The following LRFN2 variants were observed in gnomAD, a reference collection of about 807,000 sequenced individuals.
The protein encoded by LRFN2 is leucine-rich repeat and fibronectin type-III domain-containing protein 2.
Under a neutral mutation model 37.3 loss-of-function variants are expected in LRFN2, and 18 were observed. The ratio of observed to expected loss-of-function variants is 0.48; its 90% CI spans 0.33 to 0.72. The LOEUF (loss-of-function observed/expected upper bound fraction) is 0.72. Ranked by LOEUF, LRFN2 falls within the 30% of genes least tolerant of loss-of-function variation. LRFN2 has a pLI of 0.02. For synonymous variants in LRFN2, 556 were observed against 466.6 expected (o/e 1.19, Z -2.47); for missense variants, 1,006 against 1,060.7 (o/e 0.95, Z 0.72).
In LRFN2 at chr6:40,416,370, C is replaced by T. The variant is rs1230286584; in HGVS notation, c.1400+15344G>A. On this transcript the variant is annotated intron_variant, in intron 2 of 2. Transcript: ENST00000338305. ...GTGGTGGGGGCTTTCTTGTTTCTGGCAATTTATTCCTGCATGAGGTCAGCC... is the reference window on the plus strand; with the variant it reads ...GTGGTGGGGGCTTTCTTGTTTCTGGTAATTTATTCCTGCATGAGGTCAGCC... Among the ~76,000 whole-genome samples, 7 of 113,002 alleles carry T rather than the reference C, an allele frequency of 6.2e-5. No homozygotes were observed. The East Asian group carries it at 2.1e-3, about 35-fold the overall frequency. 74.1% of individuals were successfully genotyped at this position (113,002 alleles called of 152,430 possible). A position where few individuals can be genotyped will look rare whatever the true frequency, so the allele number is the denominator to read the frequency against.
At chr6:40,439,009 G>A (rs887822800) in intron 1 of LRFN2, among the ~76,000 whole-genome samples, 1 of 152,164 alleles carries the variant, frequency 6.6e-6, no homozygotes, top group Non-Finnish European at 1.5e-5. Context: ...GAAAGTTCTT[G>A]TTCCTTGGCT....
At chr6:40,421,671 G>A (rs1420421428) in intron 2 of LRFN2, among the ~76,000 whole-genome samples, 6 of 152,182 alleles carry the variant, frequency 3.9e-5, no homozygotes, top group Admixed American at 1.3e-4. Context: ...TTCCAAAAGA[G>A]AGGAGGGTAT....
intron 1 of LRFN2, among the ~76,000 whole-genome samples, chr6:40,537,945 A>G (rs1766481823): frequency 6.6e-6 from 1 of 152,066 alleles, no homozygotes; most frequent in African/African-American, 2.4e-5. Flanking sequence ...AATGAGGAGC[A>G]TGGCCCATGC....
chr6:40,423,890 A>G (rs1763286362), intron 2 of LRFN2, among the ~76,000 whole-genome samples: 1 of 152,230 alleles, frequency 6.6e-6, no homozygotes. Context: ...ATGGTAGGAC[A>G]GAAAGACAGA....
At chr6:40,539,097 C>T (rs1159398337) in intron 1 of LRFN2, among the ~76,000 whole-genome samples, 1 of 152,068 alleles carries the variant, frequency 6.6e-6, no homozygotes, top group Non-Finnish European at 1.5e-5. Flanking sequence ...AGCCCCAAAA[C>T]CATCCCCATC....
At chr6:40,501,892 G>A (rs532245350) in intron 1 of LRFN2, 6 of 152,192 alleles carry the variant, frequency 3.9e-5, no homozygotes, top group South Asian at 2.1e-4. Flanking sequence ...ACGCATCCTC[G>A]GTAGCCTGAA....
chr6:40,542,560 C>T (rs752324553), intron 1 of LRFN2, among the ~76,000 whole-genome samples: 6 of 152,032 alleles, frequency 3.9e-5, no homozygotes, highest in Non-Finnish European at 5.9e-5. Flanking sequence ...TCCAGGAGAG[C>T]AACCACCATC....
At chr6:40,407,353 C>A (rs192618124) in intron 2 of LRFN2, among the ~76,000 whole-genome samples, 1 of 151,992 alleles carries the variant, frequency 6.6e-6, no homozygotes, top group East Asian at 1.9e-4. Flanking sequence ...TCTTTGAAGG[C>A]TAGTTCTGCC....
chr6:40,571,880 C>T (rs979695842), intron 1 of LRFN2, among the ~76,000 whole-genome samples: 5 of 152,214 alleles, frequency 3.3e-5, no homozygotes, highest in African/African-American at 1.2e-4. Context: ...CTCCATGGCA[C>T]TTCTCAATCG....
chr6:40,410,315 T>C (rs904575965), intron 2 of LRFN2, among the ~76,000 whole-genome samples: 4 of 151,742 alleles, frequency 2.6e-5, no homozygotes, highest in African/African-American at 9.7e-5. Flanking sequence ...AGAACATCAC[T>C]GGAAGAGGGG....
intron 1 of LRFN2, among the ~76,000 whole-genome samples, chr6:40,487,985 C>T (rs1001872794): frequency 6.6e-6 from 1 of 152,180 alleles, no homozygotes; most frequent in African/African-American, 2.4e-5. Flanking sequence ...CTCAGCATAG[C>T]AGTCCCCAGG....
At chr6:40,426,351 C>T (rs1214557813) in intron 2 of LRFN2, among the ~76,000 whole-genome samples, 1 of 152,210 alleles carries the variant, frequency 6.6e-6, no homozygotes, top group Non-Finnish European at 1.5e-5. Flanking sequence ...GGGCAGCTCA[C>T]TACTTTGTGG....
intron 1 of LRFN2, among the ~76,000 whole-genome samples, chr6:40,436,743 C>T (rs996052454): frequency 1.3e-5 from 2 of 152,194 alleles, no homozygotes; most frequent in African/African-American, 2.4e-5. Flanking sequence ...GGTGTTCTGG[C>T]CTTCTTGGTC....
intron 2 of LRFN2, among the ~76,000 whole-genome samples, chr6:40,418,021 T>TCCCCAG (rs1057272788): frequency 6.6e-6 from 1 of 152,086 alleles, no homozygotes; most frequent in Admixed American, 6.5e-5. Context: ...CTTTCAAATC[T>TCCCCAG]CCCCAGCCCC....
Position 40,431,743 on chromosome 6 carries a change from GT to G in LRFN2, c.1370del (p.Asn457ThrfsTer8). The G allele has an allele frequency of 6.6e-7, 1 of 1,520,792 alleles. No individual in the cohort carries two copies. The highest frequency in any genetic ancestry group is 8.8e-7 in the Non-Finnish European group (1 of 1,134,776). The allele number at this position is 1,520,792 out of a possible 1,614,324, so 94.2% of individuals were successfully genotyped here. The stretch of plus-strand genomic sequence containing the variant: ...AAATCAGTACCTCATCGTCAGAGCA[GT>G]TGTACTGCAGCTGGTACATCTTCAC... ...PRVKMYQLQYNCSDDEVLIYR... is the reference protein window; with the variant it reads ...PRVKMYQLQYXCSDDEVLIYR... On this transcript the variant is annotated frameshift_variant, in exon 2 of 3. Coordinates refer to ENST00000338305, the MANE Select transcript of LRFN2 (RefSeq NM_020737.3). LOFTEE classifies it high-confidence loss of function.
At chr6:40,552,327 A>G (rs1766792215) in intron 1 of LRFN2, among the ~76,000 whole-genome samples, 1 of 152,254 alleles carries the variant, frequency 6.6e-6, no homozygotes, top group Non-Finnish European at 1.5e-5. Flanking sequence ...TTAAAATGCC[A>G]ATTCAAATTT....
chr6:40,486,554 A>G (rs941267322), intron 1 of LRFN2, among the ~76,000 whole-genome samples: 2 of 152,108 alleles, frequency 1.3e-5, no homozygotes, highest in African/African-American at 4.8e-5. Flanking sequence ...GAATGGGTAG[A>G]GGGTCAGAGA....
At chr6:40,477,875 C>T (rs994191431) in intron 1 of LRFN2, among the ~76,000 whole-genome samples, 2 of 152,172 alleles carry the variant, frequency 1.3e-5, no homozygotes, top group Non-Finnish European at 2.9e-5. Context: ...TCTCCAAGCT[C>T]GGGAAGGAGA....
intron 1 of LRFN2, among the ~76,000 whole-genome samples, chr6:40,545,484 T>G (rs1766643260): frequency 6.6e-6 from 1 of 152,182 alleles, no homozygotes; most frequent in South Asian, 2.1e-4. Context: ...TTCCCCTCTC[T>G]CTCATGTTTA....
Sources: gnomAD v4.1 joint callset for allele counts (sites outside exome capture counted in the v4.1 genomes callset) on GRCh38, gnomAD v4.1.1 for gene constraint, MANE v1.5 for transcripts, NCBI Gene and HGNC (gene_info 2026-07-23, HGNC 2026-07-21) for gene names.